Variants in PVT1 observed in about 807,000 individuals in gnomAD.
PVT1 encodes Pvt1 oncogene.
intron 4 of PVT1, among the ~76,000 whole-genome samples, chr8:128,054,311 A>AT (rs76130138): frequency 0.34 from 51,886 of 151,400 alleles, 9,365 homozygotes; most frequent in Middle Eastern, 0.49. Flanking sequence ...GATTTGTTAG[A>AT]TTTTTTTCCC....
In PVT1 at chr8:128,022,745, A is replaced by G. The variant is rs1038316947; in HGVS notation, n.912+33454A>G. On this transcript the variant is annotated intron_variant and non_coding_transcript_variant, in intron 4 of 10. Transcript: ENST00000651587. ...TATATGGATCCTCCCTTCTTCATCT[A>G]TAAAATGATGTGGTGAACTGATTAC... 3.9e-5 allele frequency among the ~76,000 whole-genome samples: 6 copies of G among 152,142 alleles called. No individual in the cohort carries two copies. The East Asian group carries it at 7.7e-4, about 20-fold the overall frequency.
chr8:128,100,075 G>T (rs1814483872), intron 6 of PVT1, among the ~76,000 whole-genome samples: 1 of 152,036 alleles, frequency 6.6e-6, no homozygotes, highest in Admixed American at 6.6e-5. Flanking sequence ...TGCTGAGTCT[G>T]CAAATTCCAT....
At chr8:127,906,953 CT>C (rs561274568) in intron 3 of PVT1, among the ~76,000 whole-genome samples, 2,188 of 132,644 alleles carry the variant, frequency 0.016, 25 homozygotes, top group African/African-American at 0.034. Context: ...GGCACTCTCT[CT>C]TTTTTTTTTT....
intron 5 of PVT1, among the ~76,000 whole-genome samples, chr8:128,072,838 T>C (rs1814014523): frequency 6.6e-6 from 1 of 151,956 alleles, no homozygotes; most frequent in Admixed American, 6.6e-5. Context: ...TTTTTATTTT[T>C]ATTATTTTTA....
chr8:127,972,824 A>G (rs928280279), intron 3 of PVT1, among the ~76,000 whole-genome samples: 1 of 152,156 alleles, frequency 6.6e-6, no homozygotes, highest in Non-Finnish European at 1.5e-5. Context: ...TCTGGGAAGG[A>G]CTGGGGCATC....
At chr8:127,893,029 T>G (rs1054206543) in intron 3 of PVT1, among the ~76,000 whole-genome samples, 11 of 152,132 alleles carry the variant, frequency 7.2e-5, no homozygotes, top group African/African-American at 2.7e-4. Flanking sequence ...GTGGTCTGGG[T>G]TATCTCCCAC....
intron 3 of PVT1, among the ~76,000 whole-genome samples, chr8:127,908,111 G>A (rs1438790235): frequency 6.6e-6 from 1 of 152,074 alleles, no homozygotes; most frequent in Admixed American, 6.5e-5. Context: ...CATCTTTTTG[G>A]AATTCGCCTT....
intron 3 of PVT1, among the ~76,000 whole-genome samples, chr8:127,897,065 A>G (rs139342947): frequency 2.0e-5 from 3 of 152,272 alleles, no homozygotes; most frequent in Non-Finnish European, 2.9e-5. Context: ...AAGCCTTGAG[A>G]AAACACTGGC....
At chr8:128,075,806 ACCCAC>A (rs1250170614) in intron 5 of PVT1, among the ~76,000 whole-genome samples, 5 of 152,170 alleles carry the variant, frequency 3.3e-5, no homozygotes, top group Admixed American at 6.5e-5. Context: ...ATGTGGATGT[ACCCAC>A]CTTTTATTTG....
chr8:127,963,435 C>G (rs1816669267), intron 3 of PVT1, among the ~76,000 whole-genome samples: 1 of 152,162 alleles, frequency 6.6e-6, no homozygotes, highest in Admixed American at 6.5e-5. Context: ...TATTGGAAAT[C>G]ACTCAATTCT....
Position 127,964,081 on chromosome 8 carries a change from T to C in PVT1, n.783-25081T>C, listed in dbSNP as rs534242367. ...GCTTATTGCAGATGAAGGAGTGCCA[T>C]GACGACGATGACCCCCAGGAGCGTC... On this transcript the variant is annotated intron_variant and non_coding_transcript_variant, in intron 3 of 10. Coordinates refer to ENST00000651587, the Ensembl canonical transcript of PVT1. Among the ~76,000 whole-genome samples, 5 of 152,320 alleles carry C rather than the reference T, an allele frequency of 3.3e-5. No individual in the cohort carries two copies. The East Asian group carries it at 9.7e-4, about 30-fold the overall frequency.
intron 2 of PVT1, among the ~76,000 whole-genome samples, chr8:127,889,081 T>C (rs868432955): frequency 7.8e-5 from 10 of 128,692 alleles, no homozygotes; most frequent in Admixed American, 2.3e-4. Flanking sequence ...CCTTCCTTCC[T>C]TCCTTCCTTC....
At chr8:127,955,002 T>C (rs1321908447) in intron 3 of PVT1, among the ~76,000 whole-genome samples, 7 of 152,240 alleles carry the variant, frequency 4.6e-5, no homozygotes, top group African/African-American at 1.7e-4. Context: ...TATCATACTA[T>C]GTGTTATGGG....
At chr8:127,921,912 G>C (rs1302031585) in intron 3 of PVT1, among the ~76,000 whole-genome samples, 1 of 120,136 alleles carries the variant, frequency 8.3e-6, no homozygotes, top group Admixed American at 9.8e-5. Flanking sequence ...CTAGGCTGGA[G>C]TGCAGTGGCG....
At chr8:127,900,464 G>T (rs911916302) in intron 3 of PVT1, among the ~76,000 whole-genome samples, 4 of 152,120 alleles carry the variant, frequency 2.6e-5, no homozygotes, top group African/African-American at 9.7e-5. Flanking sequence ...GGGTATAACA[G>T]GTCATGCTCT....
intron 2 of PVT1, among the ~76,000 whole-genome samples, chr8:127,880,788 A>T (rs1205186872): frequency 4.0e-5 from 6 of 151,340 alleles, no homozygotes; most frequent in Admixed American, 2.0e-4. Context: ...TTTAGTAGAG[A>T]CGGGGTTTTG....
At chr8:127,980,367 TA>T (rs797008853) in intron 3 of PVT1, among the ~76,000 whole-genome samples, 3 of 152,320 alleles carry the variant, frequency 2.0e-5, no homozygotes, top group African/African-American at 7.2e-5. Flanking sequence ...GGTTATAGTC[TA>T]GGGGGTTTGG....
At chr8:127,796,393 C>T (rs1242875395) in intron 2 of PVT1, among the ~76,000 whole-genome samples, 2 of 152,170 alleles carry the variant, frequency 1.3e-5, no homozygotes, top group Non-Finnish European at 2.9e-5. Flanking sequence ...CATATCTGAT[C>T]CCCACTAGTT....
intron 4 of PVT1, among the ~76,000 whole-genome samples, chr8:128,047,968 G>A (rs1162113046): frequency 1.3e-5 from 2 of 152,164 alleles, no homozygotes; most frequent in African/African-American, 4.8e-5. Context: ...CTACCAAAGA[G>A]CAAAGTCAAC....
Sources: gnomAD v4.1 joint callset for allele counts (sites outside exome capture counted in the v4.1 genomes callset) on GRCh38, gnomAD v4.1.1 for gene constraint, MANE v1.5 for transcripts, NCBI Gene and HGNC (gene_info 2026-07-23, HGNC 2026-07-21) for gene names.